Variants in MGAM observed in about 807,000 individuals in gnomAD.
The protein encoded by MGAM is alpha-1,4-glucosidase.
Under a neutral mutation model 358.8 loss-of-function variants are expected in MGAM, and 253 were observed. The ratio of observed to expected loss-of-function variants is 0.71; its 90% confidence interval spans 0.64 to 0.78. The LOEUF (loss-of-function observed/expected upper bound fraction) is 0.78. Among genes scored for constraint, MGAM ranks in the 30% least tolerant of loss-of-function variants. The pLI is 0.00. For synonymous variants in MGAM, 1,105 were observed against 1,227.1 expected (o/e 0.90, Z 2.08); for missense variants, 3,080 against 3,432.6 (o/e 0.90, Z 2.57).
chr7:142,003,905 A>T (rs1425151212), intron 1 of MGAM, among the ~76,000 whole-genome samples: 10 of 152,174 alleles, frequency 6.6e-5, no homozygotes, highest in Admixed American at 6.5e-4. Flanking sequence ...TTTTCCAAAA[A>T]AAAGGCATAC....
chr7:142,041,902 ATAT>A (rs1808642605), intron 21 of MGAM, among the ~76,000 whole-genome samples: 1 of 43,346 alleles, frequency 2.3e-5, no homozygotes, highest in Non-Finnish European at 3.7e-5. Context: ...TATAATATAT[ATAT>A]TATATATATA....
At chr7:142,037,913 C>G (rs1289761064) in intron 18 of MGAM, among the ~76,000 whole-genome samples, 1 of 152,168 alleles carries the variant, frequency 6.6e-6, no homozygotes, top group Non-Finnish European at 1.5e-5. Flanking sequence ...CAAGCACACT[C>G]TTTAAGTTAC....
chr7:142,105,461 T>G (rs144788537), intron 70 of MGAM, among the ~76,000 whole-genome samples: 2,963 of 152,272 alleles, frequency 0.019, 48 homozygotes, highest in Middle Eastern at 0.082. Flanking sequence ...CTAATTTTTG[T>G]ATTTTTATTA....
At chr7:142,041,670 C>G (rs1808566534) in intron 21 of MGAM, among the ~76,000 whole-genome samples, 1 of 150,736 alleles carries the variant, frequency 6.6e-6, no homozygotes, top group African/African-American at 2.4e-5. Flanking sequence ...ACCAGTCATG[C>G]CAAAAGCTTT....
intron 21 of MGAM, among the ~76,000 whole-genome samples, chr7:142,046,957 C>T (rs543274639): frequency 1.6e-4 from 24 of 152,112 alleles, no homozygotes; most frequent in Middle Eastern, 6.8e-3. Context: ...TTCTTAGAAA[C>T]GACTGCTACT....
intron 3 of MGAM, among the ~76,000 whole-genome samples, chr7:142,018,964 T>C (rs1487666447): frequency 1.3e-5 from 2 of 152,076 alleles, no homozygotes; most frequent in Non-Finnish European, 2.9e-5. Context: ...ATAAAAGTTA[T>C]AGAATGCATT....
In MGAM at chr7:142,091,920, G is replaced by A. The variant is rs777400664; in HGVS notation, c.6818G>A (p.Arg2273Gln). The A allele has an allele frequency of 6.1e-5, 91 of 1,487,712 alleles. 13 individuals are homozygous for A. Among genetic ancestry groups the A allele is most frequent in the Non-Finnish European group, 7.7e-5 (84 of 1,089,126 alleles). 92.2% of individuals were successfully genotyped at this position (1,487,712 alleles called of 1,614,324 possible). A position where few individuals can be genotyped will look rare whatever the true frequency, so the allele number is the denominator to read the frequency against. ...LDWDSQVELY[R>Q]AYVAFPDFFR... ...TATATTTCTTTTTTATAGCTATATC[G>A]AGCTTATGTGGCCTTCCCAGACTTT... is the stretch of plus-strand genomic sequence containing the variant. The change falls in exon 58 of 71, where the codon CGA (arginine) becomes CAA (glutamine). Residue 2273 changes from arginine to glutamine, a missense_variant. Coordinates refer to ENST00000475668, the MANE Select transcript of MGAM (RefSeq NM_001365693.1).
In MGAM at chr7:142,032,893, T is replaced by C. The variant is rs1584950939; in HGVS notation, c.1653T>C (p.Asn551=). 6.2e-7 allele frequency: 1 copy of C among 1,608,562 alleles called. No individual in the cohort carries two copies. Among genetic ancestry groups the C allele is most frequent in the South Asian group, 1.1e-5 (1 of 90,356 alleles). Residue 551 remains asparagine (N), a synonymous_variant, in exon 14 of 71, where the codon AAT becomes AAC. Transcript: ENST00000475668. ...VSGCSTNNLN[N]PPFTPRILDG... ...GATGTTCCACAAACAACCTAAATAA[T>C]CCCCCATTCACTCCCAGTAAGTCTT...
rs1814331713 is a variant in MGAM at position 142,081,906 on chromosome 7, T to C, written c.6003-136T>C. 6.6e-6 allele frequency: 6 copies of C among 915,584 alleles called. No individual in the cohort carries two copies. In the East Asian group the frequency reaches 1.0e-4, roughly 16 times the overall value. The allele number at this position is 915,584 out of a possible 1,614,324, so 56.7% of individuals were successfully genotyped here. ...GGATATCTATGATATTTTAATCAAATTGAGTTTCAGTTTTGTTTGGGAGAT... is the reference window on the plus strand; with the variant it reads ...GGATATCTATGATATTTTAATCAAACTGAGTTTCAGTTTTGTTTGGGAGAT... On this transcript the variant is annotated intron_variant, in intron 50 of 70. Coordinates refer to ENST00000475668, the MANE Select transcript of MGAM (RefSeq NM_001365693.1).
intron 25 of MGAM, 51 bp downstream of exon 25, chr7:142,052,497 G>A (rs1304623477): frequency 5.0e-6 from 8 of 1,602,496 alleles, no homozygotes; most frequent in Non-Finnish European, 6.0e-6. Context: ...CACCTAATCT[G>A]TAGTTTCTTA....
chr7:142,076,302 T>A, intron 46 of MGAM, 50 bp downstream of exon 46: 1 of 1,394,330 alleles, frequency 7.2e-7, no homozygotes, highest in African/African-American at 1.4e-5. Flanking sequence ...GGACTGACCA[T>A]TAGCACATCT....
intron 8 of MGAM, among the ~76,000 whole-genome samples, chr7:142,026,281 C>T (rs1806961459): frequency 6.6e-6 from 1 of 151,904 alleles, no homozygotes; most frequent in Non-Finnish European, 1.5e-5. Flanking sequence ...ATTATATTCT[C>T]ACAATAATGA....
chr7:142,048,635 A>G (rs1267053390), intron 22 of MGAM, among the ~76,000 whole-genome samples: 2 of 146,342 alleles, frequency 1.4e-5, no homozygotes, highest in African/African-American at 2.4e-5. Flanking sequence ...CAGTATACTA[A>G]CAATTCCTGT....
At position 142,093,333 on chromosome 7, in the gene MGAM, A is replaced by G. The variant is rs1206428066; in HGVS notation, c.7034-79A>G. ...AGGACTGAAGTTAGTCTTAAGATCCAGGGCCCAGTCCCTTGAAGAGAAGTC... is the reference window on the plus strand; with the variant it reads ...AGGACTGAAGTTAGTCTTAAGATCCGGGGCCCAGTCCCTTGAAGAGAAGTC... On this transcript the variant is annotated intron_variant, in intron 59 of 70. Transcript: ENST00000475668. 6.2e-6 allele frequency: 9 copies of G among 1,449,574 alleles called. 2 individuals are homozygous for G. The East Asian group carries it at 2.3e-4, about 36-fold the overall frequency. The allele number at this position is 1,449,574 out of a possible 1,614,324, so 89.8% of individuals were successfully genotyped here. A position where few individuals can be genotyped will look rare whatever the true frequency, so the allele number is the denominator to read the frequency against.
Position 142,066,541 on chromosome 7 carries a change from G to A in MGAM, c.4771-32G>A, listed in dbSNP as rs763632294. The A allele has an allele frequency of 8.6e-5, 133 of 1,548,730 alleles. 28 individuals carry two copies. Among genetic ancestry groups the A allele is most frequent in the Middle Eastern group, 4.5e-4 (2 of 4,422 alleles). On this transcript the variant is annotated intron_variant, in intron 40 of 70. Coordinates refer to ENST00000475668, the MANE Select transcript of MGAM (RefSeq NM_001365693.1). ...TTAAATCCCCTAGAAATTCCAGGGC[G>A]AGCTCCCAACACTGTTCTCTTTCTC...
chr7:142,029,415 C>G (rs1051542846), intron 10 of MGAM, among the ~76,000 whole-genome samples: 1 of 152,028 alleles, frequency 6.6e-6, no homozygotes, highest in Non-Finnish European at 1.5e-5. Flanking sequence ...TATTAGAAAA[C>G]TAGGGGAACT....
chr7:142,078,539 C>A, intron 48 of MGAM, 69 bp downstream of exon 48: 2 of 1,372,234 alleles, frequency 1.5e-6, no homozygotes, highest in Non-Finnish European at 9.9e-7. Context: ...TTAAGCATAG[C>A]AGTGGCACTT....
chr7:142,066,738 G>T lies in MGAM; in HGVS notation c.4919+17G>T, dbSNP rs939450524. 1.3e-6 allele frequency: 2 copies of T among 1,548,116 alleles called. No individual in the cohort carries two copies. The highest frequency in any genetic ancestry group is 1.3e-5 in the African/African-American group (1 of 74,414). On this transcript the variant is annotated intron_variant, in intron 41 of 70. Transcript: ENST00000475668. ...GCTCCATGAGTGAGTGTCCAGCAGG[G>T]ATCCCGATGACTAATGGATGACTTA... is the stretch of plus-strand genomic sequence containing the variant.
chr7:142,010,244 A>C (rs1241734296), intron 3 of MGAM, among the ~76,000 whole-genome samples: 1 of 152,000 alleles, frequency 6.6e-6, no homozygotes, highest in Non-Finnish European at 1.5e-5. Context: ...AAAAAAGATC[A>C]CTCGATTATC....
Sources: allele counts gnomAD v4.1 joint callset (sites outside exome capture counted in the v4.1 genomes callset), GRCh38; gene constraint gnomAD v4.1.1; transcripts MANE v1.5; gene names NCBI Gene and HGNC (gene_info 2026-07-23, HGNC 2026-07-21).